The following THSD7B variants were observed in gnomAD, a reference collection of about 807,000 sequenced individuals.
THSD7B encodes the protein thrombospondin type 1 domain containing 7B.
In THSD7B, 138 loss-of-function variants were observed where a neutral mutation model predicts 213.6. The observed-to-expected ratio is 0.65, with a 90% CI of 0.56 to 0.74. The LOEUF (loss-of-function observed/expected upper bound fraction) is 0.74. Among genes scored for constraint, THSD7B ranks in the 30% least tolerant of loss-of-function variants. The probability of loss-of-function intolerance (pLI) is 0.00; values close to 1 mark genes in which losing one functional copy is unlikely to be tolerated. For synonymous variants in THSD7B, 742 were observed against 687.0 expected, an observed-to-expected ratio of 1.08 and a Z score of -1.25; for missense variants, 1,931 against 1,991.5, an observed-to-expected ratio of 0.97 and a Z score of 0.58.
At chr2:137,069,684 T>A (rs1380437538) in intron 3 of THSD7B, among the ~76,000 whole-genome samples, 4 of 151,986 alleles carry the variant, frequency 2.6e-5, no homozygotes, top group Non-Finnish European at 5.9e-5. Context: ...CCCTTGTTTT[T>A]TGTATCTGCT....
chr2:137,570,267 C>A (rs1476697133), intron 16 of THSD7B, among the ~76,000 whole-genome samples: 1 of 151,302 alleles, frequency 6.6e-6, no homozygotes, highest in Non-Finnish European at 1.5e-5. Context: ...CTTTGAAATG[C>A]TCCTGGAGTT....
chr2:137,033,093 A>G (rs1223636122), intron 2 of THSD7B, among the ~76,000 whole-genome samples: 1 of 152,026 alleles, frequency 6.6e-6, no homozygotes, highest in East Asian at 1.9e-4. Flanking sequence ...AAATTAAATT[A>G]CATCAGTTAG....
At chr2:137,300,971 G>A (rs1026377473) in intron 12 of THSD7B, among the ~76,000 whole-genome samples, 4 of 152,254 alleles carry the variant, frequency 2.6e-5, no homozygotes, top group Middle Eastern at 3.4e-3. Context: ...GGCCGGTAAA[G>A]TGTATGTGCC....
intron 12 of THSD7B, among the ~76,000 whole-genome samples, chr2:137,289,955 C>T (rs1270274847): frequency 7.9e-5 from 12 of 151,594 alleles, no homozygotes; most frequent in East Asian, 7.7e-4. Flanking sequence ...AAACTCCAGG[C>T]GAAACTCAGA....
chr2:137,563,089 G>C, intron 15 of THSD7B, 132 bp from the exon 16 acceptor site: 1 of 943,342 alleles, frequency 1.1e-6, no homozygotes, highest in Non-Finnish European at 1.5e-6. Context: ...GCTTTTTTGG[G>C]AAAGTAATTT....
intron 15 of THSD7B, among the ~76,000 whole-genome samples, chr2:137,524,883 G>A (rs1025520097): frequency 1.3e-5 from 2 of 152,144 alleles, no homozygotes; most frequent in Non-Finnish European, 2.9e-5. Flanking sequence ...CATCACTGCT[G>A]TAGAATTTGT....
chr2:137,284,822 A>G (rs1284343355), intron 12 of THSD7B, among the ~76,000 whole-genome samples: 1 of 152,058 alleles, frequency 6.6e-6, no homozygotes, highest in Non-Finnish European at 1.5e-5. Context: ...ACTTCTAACT[A>G]TGTGGTCAAT....
intron 2 of THSD7B, among the ~76,000 whole-genome samples, chr2:137,004,996 T>A (rs1573761804): frequency 6.6e-6 from 1 of 152,222 alleles, no homozygotes; most frequent in Non-Finnish European, 1.5e-5. Context: ...TTTTGTAACT[T>A]TTCTTACATT....
intron 15 of THSD7B, among the ~76,000 whole-genome samples, chr2:137,524,019 T>C (rs1573684109): frequency 1.3e-5 from 2 of 152,260 alleles, no homozygotes; most frequent in East Asian, 1.9e-4. Context: ...AATTTCTGGA[T>C]TTCTACCAAC....
intron 5 of THSD7B, among the ~76,000 whole-genome samples, chr2:137,154,904 C>T (rs1679885972): frequency 6.6e-6 from 1 of 152,246 alleles, no homozygotes; most frequent in East Asian, 1.9e-4. Flanking sequence ...GCATATTTTT[C>T]CTCCTCTTAA....
intron 6 of THSD7B, among the ~76,000 whole-genome samples, chr2:137,163,109 C>T (rs1680050651): frequency 6.6e-6 from 1 of 152,090 alleles, no homozygotes; most frequent in Non-Finnish European, 1.5e-5. Flanking sequence ...GAACTTCAGA[C>T]CCCCTCCCTT....
intron 2 of THSD7B, among the ~76,000 whole-genome samples, chr2:136,984,327 G>T (rs1685635229): frequency 2.0e-5 from 3 of 152,230 alleles, no homozygotes; most frequent in Admixed American, 2.0e-4. Context: ...GAGGTAATTA[G>T]ATTATGAGGG....
At chr2:137,222,285 G>A (rs915240956) in intron 7 of THSD7B, among the ~76,000 whole-genome samples, 1 of 152,048 alleles carries the variant, frequency 6.6e-6, no homozygotes. Flanking sequence ...TAATTTTCCA[G>A]CGTCACATTT....
intron 12 of THSD7B, among the ~76,000 whole-genome samples, chr2:137,393,132 G>T (rs1472937190): frequency 4.1e-5 from 6 of 146,696 alleles, no homozygotes; most frequent in Non-Finnish European, 7.5e-5. Flanking sequence ...TTGGCTGCAG[G>T]TTTTTTCTTC....
chr2:137,499,881 T>C (rs1679660500), intron 15 of THSD7B, among the ~76,000 whole-genome samples: 1 of 152,148 alleles, frequency 6.6e-6, no homozygotes, highest in Admixed American at 6.5e-5. Flanking sequence ...GGGCAGGCAA[T>C]ACAGTCTAAT....
intron 7 of THSD7B, among the ~76,000 whole-genome samples, chr2:137,229,096 G>T (rs984497828): frequency 1.3e-5 from 2 of 152,088 alleles, no homozygotes; most frequent in African/African-American, 2.4e-5. Flanking sequence ...TCAACACTGA[G>T]AAATTTTTCA....
At chr2:137,642,367 A>G (rs3828170) in intron 20 of THSD7B, 121 bp from the exon 21 acceptor site, 143,010 of 1,215,496 alleles carry the variant, frequency 0.12, 8,881 homozygotes, top group Middle Eastern at 0.17. Flanking sequence ...ACTAAAAGTG[A>G]GATAGGACAG....
intron 4 of THSD7B, among the ~76,000 whole-genome samples, chr2:137,097,144 C>A (rs1688053353): frequency 1.3e-5 from 2 of 152,000 alleles, no homozygotes; most frequent in Non-Finnish European, 2.9e-5. Context: ...ATGCCTCTAT[C>A]CTTCATTTTT....
At chr2:137,150,286 C>T (rs1040476236) in intron 5 of THSD7B, among the ~76,000 whole-genome samples, 6 of 150,928 alleles carry the variant, frequency 4.0e-5, no homozygotes, top group African/African-American at 1.2e-4. Flanking sequence ...AATGTGAAGA[C>T]ATGAGATTTG....
Sources: gnomAD v4.1 joint callset for allele counts (sites outside exome capture counted in the v4.1 genomes callset) on GRCh38, gnomAD v4.1.1 for gene constraint, MANE v1.5 for transcripts, NCBI Gene and HGNC (gene_info 2026-07-23, HGNC 2026-07-21) for gene names.